The following PAPPA2 variants were observed in gnomAD, a reference collection of about 807,000 sequenced individuals.
PAPPA2 encodes pappalysin-2.
A neutral mutation model predicts 176.4 loss-of-function variants in PAPPA2; 86 were observed. That is an observed-to-expected ratio of 0.49 (90% CI 0.41 to 0.58). PAPPA2 has a LOEUF of 0.58. Ranked by LOEUF, PAPPA2 falls within the 20% of genes least tolerant of loss-of-function variation. The probability of loss-of-function intolerance (pLI) is 0.00; values close to 1 mark genes in which losing one functional copy is unlikely to be tolerated. For synonymous variants in PAPPA2, 809 were observed against 852.2 expected (o/e 0.95, Z 0.88); for missense variants, 2,073 against 2,256.9 (o/e 0.92, Z 1.65).
At chr1:176,520,794 C>G (rs1649174289) in intron 1 of PAPPA2, among the ~76,000 whole-genome samples, 1 of 152,014 alleles carries the variant, frequency 6.6e-6, no homozygotes, top group Non-Finnish European at 1.5e-5. Flanking sequence ...GGAATTGTTT[C>G]TAAGGCTTAA....
chr1:176,738,276 C>T (rs370816686), intron 12 of PAPPA2, among the ~76,000 whole-genome samples: 7 of 152,102 alleles, frequency 4.6e-5, no homozygotes, highest in African/African-American at 1.7e-4. Context: ...GGGAAAGACA[C>T]TGTAAAAAGA....
chr1:176,819,391 T>G (rs78758560), intron 21 of PAPPA2, among the ~76,000 whole-genome samples: 240 of 152,288 alleles, frequency 1.6e-3, no homozygotes, highest in African/African-American at 5.3e-3. Flanking sequence ...TGAGGAAGTT[T>G]GGTCTCTGAG....
intron 12 of PAPPA2, among the ~76,000 whole-genome samples, chr1:176,725,788 T>C (rs1238379388): frequency 6.6e-6 from 1 of 152,216 alleles, no homozygotes; most frequent in Non-Finnish European, 1.5e-5. Context: ...GAGTTTTCTT[T>C]TCTTTTTTTT....
intron 14 of PAPPA2, among the ~76,000 whole-genome samples, chr1:176,763,432 T>A (rs1359336901): frequency 6.6e-6 from 1 of 152,206 alleles, no homozygotes. Context: ...TGAATCAGTG[T>A]TTAATGATAT....
At chr1:176,526,963 A>T (rs1284015298) in intron 1 of PAPPA2, among the ~76,000 whole-genome samples, 1 of 152,036 alleles carries the variant, frequency 6.6e-6, no homozygotes, top group African/African-American at 2.4e-5. Context: ...TTACTTTTTA[A>T]TTTGTTTTTA....
intron 14 of PAPPA2, among the ~76,000 whole-genome samples, chr1:176,745,664 A>G (rs1197240386): frequency 1.3e-5 from 2 of 152,224 alleles, no homozygotes; most frequent in Non-Finnish European, 2.9e-5. Context: ...GGGAGCAACC[A>G]TTACTTTTAT....
In PAPPA2 at chr1:176,557,143, T is replaced by A. The variant is rs761342497; in HGVS notation, c.821T>A (p.Leu274Gln). The A allele has an allele frequency of 1.1e-5, 18 of 1,613,670 alleles. No homozygotes were observed. The highest frequency in any genetic ancestry group is 5.3e-5 in the African/African-American group (4 of 74,790). ...TCTGGGAGGCGGGAGCGGCTGCTGC[T>A]GCGTCCAGAAGTGCTGGCTGAGATT... ...YFSGRRERLLLRPEVLAEIPR... is the reference protein window; with the variant it reads ...YFSGRRERLLQRPEVLAEIPR... Residue 274 changes from leucine (L) to glutamine (Q), a missense_variant, in exon 2 of 23, where the codon CTG (leucine) becomes CAG (glutamine). This residue lies in a region of PAPPA2 where 1,196 missense variants were observed against 1,330.4 expected (regional missense o/e 0.90). Transcript: ENST00000367662.
At chr1:176,646,347 A>G (rs934751041) in intron 3 of PAPPA2, among the ~76,000 whole-genome samples, 16 of 151,394 alleles carry the variant, frequency 1.1e-4, no homozygotes, top group South Asian at 4.1e-4. Flanking sequence ...ACAATGCATA[A>G]TAATCACATC....
At chr1:176,508,997 T>C (rs1355919185) in intron 1 of PAPPA2, among the ~76,000 whole-genome samples, 2 of 152,048 alleles carry the variant, frequency 1.3e-5, no homozygotes, top group Non-Finnish European at 2.9e-5. Flanking sequence ...ACAATGGCTT[T>C]TGGAAAAATT....
intron 21 of PAPPA2, among the ~76,000 whole-genome samples, chr1:176,828,057 C>T (rs1281837707): frequency 2.0e-5 from 3 of 151,936 alleles, no homozygotes; most frequent in Admixed American, 6.6e-5. Flanking sequence ...TGAGGCATAT[C>T]ATTAATACAT....
chr1:176,692,576 GA>G (rs1660169774), intron 6 of PAPPA2, among the ~76,000 whole-genome samples: 1 of 152,230 alleles, frequency 6.6e-6, no homozygotes, highest in Admixed American at 6.5e-5. Context: ...ATGTGACAGG[GA>G]TAAATTGGCA....
intron 1 of PAPPA2, among the ~76,000 whole-genome samples, chr1:176,481,953 C>A (rs1652423483): frequency 6.6e-6 from 1 of 152,080 alleles, no homozygotes; most frequent in African/African-American, 2.4e-5. Flanking sequence ...CTCAAGTGAT[C>A]CACCTGCCTC....
Position 176,556,472 on chromosome 1 carries a change from T to C in PAPPA2, c.150T>C (p.Cys50=). Residue 50 remains cysteine, a synonymous_variant, in exon 2 of 23, where the codon TGT becomes TGC. Coordinates refer to ENST00000367662, the MANE Select transcript of PAPPA2 (RefSeq NM_020318.3). ...LNQVLLEGER[C]WLGAKVRRPR... is the part of the protein sequence containing the mutation. ...AGGTGCTGTTGGAAGGAGAACGTTG[T>C]TGGCTGGGGGCCAAGGTTCGAAGAC... The C allele has an allele frequency of 5.6e-6, 9 of 1,614,206 alleles. No homozygotes were observed. Among genetic ancestry groups the C allele is most frequent in the Non-Finnish European group, 6.8e-6 (8 of 1,180,038 alleles).
chr1:176,756,774 A>G (rs1026124148), intron 14 of PAPPA2, among the ~76,000 whole-genome samples: 6 of 152,102 alleles, frequency 3.9e-5, no homozygotes, highest in African/African-American at 1.4e-4. Flanking sequence ...GGTTTGTTAC[A>G]TAGGTATACA....
chr1:176,695,364 A>G (rs2102813040), intron 6 of PAPPA2, among the ~76,000 whole-genome samples: 1 of 152,308 alleles, frequency 6.6e-6, no homozygotes, highest in East Asian at 1.9e-4. Context: ...TTTAGTGGGG[A>G]AATTCAAGGA....
chr1:176,640,777 A>C (rs1398691842), intron 3 of PAPPA2, among the ~76,000 whole-genome samples: 2 of 149,992 alleles, frequency 1.3e-5, no homozygotes, highest in Non-Finnish European at 3.0e-5. Context: ...TGACTTCCAC[A>C]ATGGTTGAAC....
chr1:176,546,314 GGT>G (rs375811764), intron 1 of PAPPA2, among the ~76,000 whole-genome samples: 155 of 152,198 alleles, frequency 1.0e-3, no homozygotes, highest in African/African-American at 3.7e-3. Flanking sequence ...ACATTTTGGT[GGT>G]GTTACTTTAT....
intron 21 of PAPPA2, among the ~76,000 whole-genome samples, chr1:176,828,561 A>G (rs1407489662): frequency 6.6e-6 from 1 of 151,840 alleles, no homozygotes; most frequent in East Asian, 1.9e-4. Flanking sequence ...TATATGTATC[A>G]TATATATTTA....
chr1:176,715,746 A>T (rs4511071), intron 12 of PAPPA2, among the ~76,000 whole-genome samples: 33,920 of 152,116 alleles, frequency 0.22, 4,318 homozygotes, highest in African/African-American at 0.33. Flanking sequence ...TGGGGCAGTA[A>T]TAAGACTAGC....
Sources: allele counts gnomAD v4.1 joint callset (sites outside exome capture counted in the v4.1 genomes callset), GRCh38; gene constraint gnomAD v4.1.1; regional missense constraint gnomAD v4.1.1; transcripts MANE v1.5; gene names NCBI Gene and HGNC (gene_info 2026-07-23, HGNC 2026-07-21).